PBX1: variants seen among roughly 807,000 people sequenced by gnomAD.
PBX1 encodes the protein PBX homeobox 1, also known as pre-B-cell leukemia transcription factor 1.
PBX1 carries 6 observed loss-of-function variants against 53.4 expected under a neutral mutation model. The observed-to-expected ratio is 0.11, with a 90% CI of 0.06 to 0.22. PBX1 has a LOEUF of 0.22. Among genes scored for constraint, PBX1 ranks in the 10% least tolerant of loss-of-function variants. The pLI is 1.00. For missense variants in PBX1, 251 were observed against 551.4 expected, an observed-to-expected ratio of 0.46 and a Z score of 5.46; for synonymous variants, 204 against 212.3, an observed-to-expected ratio of 0.96 and a Z score of 0.34.
chr1:164,603,924 ATTTCATTT>A lies in PBX1; in HGVS notation c.265+40617_265+40624del, dbSNP rs1557885724. ...TGCAAGACACTCTGTACATTATGTC[ATTTCATTT>A]TTTTTTTTTTTTTTTTTTTTTTTTT... is the stretch of plus-strand genomic sequence containing the variant. On this transcript the variant is annotated intron_variant, in intron 2 of 8. Coordinates refer to ENST00000420696, the MANE Select transcript of PBX1 (RefSeq NM_002585.4). Among the ~76,000 whole-genome samples the A allele has an allele frequency of 3.6e-4, 28 of 78,296 alleles. 1 individual carries two copies. Among genetic ancestry groups the A allele is most frequent in the South Asian group, 1.6e-3 (4 of 2,502 alleles). The allele number at this position is 78,296 out of a possible 152,430, so 51.4% of individuals were successfully genotyped here. A position where few individuals can be genotyped will look rare whatever the true frequency, so the allele number is the denominator to read the frequency against.
rs1484783289 is a variant in PBX1 at position 164,787,037 on chromosome 1, C to CT, written c.266-5453dup. 3.9e-5 allele frequency among the ~76,000 whole-genome samples: 6 copies of CT among 152,246 alleles called. No individual in the cohort carries two copies. In the East Asian group the frequency reaches 1.2e-3, roughly 30 times the overall value. ...GCTCTCAGGAAGCAAGCATTTTGCT[C>CT]TTTTCCTAAAACTGCATAGCTGACT... On this transcript the variant is annotated intron_variant, in intron 2 of 8. Transcript: ENST00000420696.
chr1:164,873,850 A>G (rs12122033), intron 2 of PBX1, among the ~76,000 whole-genome samples: 7,388 of 152,260 alleles, frequency 0.049, 220 homozygotes, highest in East Asian at 0.095. Context: ...CCAGTGCCCA[A>G]TGACAACCTT....
chr1:164,839,926 G>A (rs1335306479), intron 8 of PBX1, among the ~76,000 whole-genome samples: 1 of 151,892 alleles, frequency 6.6e-6, no homozygotes, highest in Non-Finnish European at 1.5e-5. Flanking sequence ...GGATACCCTG[G>A]CAGTCAAAGG....
chr1:164,739,768 T>C (rs201427258), intron 2 of PBX1, among the ~76,000 whole-genome samples: 24,480 of 151,258 alleles, frequency 0.16, 2,552 homozygotes, highest in South Asian at 0.34. Flanking sequence ...TGTGTGTGTG[T>C]GTGTGTGTGT....
At chr1:164,807,737 G>A (rs906593551) in intron 5 of PBX1, 60 bp downstream of exon 5, 8 of 1,571,898 alleles carry the variant, frequency 5.1e-6, no homozygotes, top group African/African-American at 4.1e-5. Context: ...CTCCGGGGCA[G>A]GCTCTTAGAG....
chr1:164,865,272 A>T (rs1464427934), intron 2 of PBX1, among the ~76,000 whole-genome samples: 1 of 152,202 alleles, frequency 6.6e-6, no homozygotes, highest in Non-Finnish European at 1.5e-5. Flanking sequence ...GGATCCGTTT[A>T]TGCTGCCCTA....
chr1:164,845,024 C>T (rs537867844), intron 8 of PBX1, among the ~76,000 whole-genome samples: 18 of 152,178 alleles, frequency 1.2e-4, no homozygotes, highest in Admixed American at 2.0e-4. Context: ...GATTGGGGAG[C>T]GGTGTTCTTG....
At chr1:164,712,027 C>T (rs968835295) in intron 2 of PBX1, among the ~76,000 whole-genome samples, 5 of 150,334 alleles carry the variant, frequency 3.3e-5, no homozygotes, top group African/African-American at 1.2e-4. Context: ...CAAACCCCCC[C>T]ACCGTAAGAG....
intron 8 of PBX1, among the ~76,000 whole-genome samples, chr1:164,835,392 A>G (rs1558036398): frequency 6.6e-6 from 1 of 152,074 alleles, no homozygotes; most frequent in Admixed American, 6.6e-5. Context: ...AGTCTTTGTG[A>G]TGTATTGTAA....
intron 2 of PBX1, among the ~76,000 whole-genome samples, chr1:164,639,906 C>T (rs1476050803): frequency 6.6e-6 from 1 of 152,002 alleles, no homozygotes; most frequent in Non-Finnish European, 1.5e-5. Flanking sequence ...TCAAGTGATC[C>T]TCCTACCTTG....
At chr1:164,640,756 C>T (rs1186047891) in intron 2 of PBX1, among the ~76,000 whole-genome samples, 2 of 151,940 alleles carry the variant, frequency 1.3e-5, no homozygotes, top group African/African-American at 4.8e-5. Context: ...CGGGGTTTCA[C>T]CATGTTGCCC....
At chr1:164,611,462 T>A (rs1656921988) in intron 2 of PBX1, among the ~76,000 whole-genome samples, 1 of 152,088 alleles carries the variant, frequency 6.6e-6, no homozygotes, top group South Asian at 2.1e-4. Flanking sequence ...ATGGTCTCGA[T>A]CTCCTGACCT....
At chr1:164,740,528 G>C (rs1356941483) in intron 2 of PBX1, among the ~76,000 whole-genome samples, 1 of 152,142 alleles carries the variant, frequency 6.6e-6, no homozygotes, top group Admixed American at 6.5e-5. Flanking sequence ...TATCTTTGGT[G>C]ATGGTAGGCT....
At chr1:164,722,528 A>G (rs150293052) in intron 2 of PBX1, among the ~76,000 whole-genome samples, 31 of 152,340 alleles carry the variant, frequency 2.0e-4, no homozygotes, top group African/African-American at 7.5e-4. Flanking sequence ...GAAGAAGTAT[A>G]TTAATCCACA....
chr1:164,738,125 G>C (rs1665399867), intron 2 of PBX1, among the ~76,000 whole-genome samples: 1 of 152,102 alleles, frequency 6.6e-6, no homozygotes, highest in African/African-American at 2.4e-5. Context: ...TGTGGGAATA[G>C]ACCACAATGT....
chr1:164,736,890 A>C (rs1347816422), intron 2 of PBX1, among the ~76,000 whole-genome samples: 1 of 152,226 alleles, frequency 6.6e-6, no homozygotes, highest in Non-Finnish European at 1.5e-5. Context: ...CTATTAAAAG[A>C]AAGGAGAGTG....
At chr1:164,640,431 A>G (rs908490860) in intron 2 of PBX1, among the ~76,000 whole-genome samples, 1 of 152,108 alleles carries the variant, frequency 6.6e-6, no homozygotes, top group Non-Finnish European at 1.5e-5. Context: ...CTACTGCATA[A>G]GTGCTCCACT....
chr1:164,794,682 A>C (rs951618251), intron 3 of PBX1, among the ~76,000 whole-genome samples: 2 of 152,176 alleles, frequency 1.3e-5, no homozygotes, highest in African/African-American at 4.8e-5. Flanking sequence ...CTAACCTAAA[A>C]GGGTAATTAT....
chr1:164,602,215 A>C (rs1656223897), intron 2 of PBX1, among the ~76,000 whole-genome samples: 1 of 152,156 alleles, frequency 6.6e-6, no homozygotes, highest in Non-Finnish European at 1.5e-5. Flanking sequence ...TACAGTACGC[A>C]CAGGTATGGG....
Sources: gnomAD v4.1 joint callset for allele counts (sites outside exome capture counted in the v4.1 genomes callset) on GRCh38, gnomAD v4.1.1 for gene constraint, MANE v1.5 for transcripts, NCBI Gene and HGNC (gene_info 2026-07-23, HGNC 2026-07-21) for gene names.